Variants in GSE1 observed in about 807,000 individuals in gnomAD.
The protein encoded by GSE1 is genetic suppressor element 1.
GSE1 carries 32 observed loss-of-function variants against 112.6 expected under a neutral mutation model. That is an observed-to-expected ratio of 0.28 (90% confidence interval 0.21 to 0.38). GSE1 has a LOEUF of 0.38. GSE1 is among the 10% of genes least tolerant of loss of function. The pLI, the probability that GSE1 is intolerant of heterozygous loss-of-function variation, is 1.00. For missense variants in GSE1, 2,348 were observed against 1,699.2 expected, an observed-to-expected ratio of 1.38 and a Z score of -6.71; for synonymous variants, 1,115 against 735.6, an observed-to-expected ratio of 1.52 and a Z score of -8.35.
chr16:85,220,173 G>A (rs982715731), intron 1 of GSE1, among the ~76,000 whole-genome samples: 2 of 152,244 alleles, frequency 1.3e-5, no homozygotes, highest in Non-Finnish European at 2.9e-5. Context: ...CTCTGGGCCA[G>A]AAGCAGCTCG....
chr16:85,646,671 C>T (rs1215249006), intron 2 of GSE1, among the ~76,000 whole-genome samples: 1 of 152,158 alleles, frequency 6.6e-6, no homozygotes. Flanking sequence ...AAGTCCACAA[C>T]CGTGTGAGCG....
At chr16:85,223,121 A>C (rs1042781391) in intron 1 of GSE1, among the ~76,000 whole-genome samples, 1 of 152,112 alleles carries the variant, frequency 6.6e-6, no homozygotes, top group African/African-American at 2.4e-5. Context: ...TTATCTCAGG[A>C]AGAGGCAGAA....
chr16:85,639,452 C>T (rs1243155904), intron 2 of GSE1, among the ~76,000 whole-genome samples: 1 of 152,178 alleles, frequency 6.6e-6, no homozygotes, highest in African/African-American at 2.4e-5. Context: ...TGTGTCCCAC[C>T]CCCTGCGCTG....
At position 85,656,623 on chromosome 16, in the gene GSE1, G is replaced by C; in HGVS notation, c.1270G>C (p.Glu424Gln). The change falls in exon 7 of 16, where the codon GAG (glutamate) becomes CAG (glutamine). Residue 424 changes from glutamate (E) to glutamine (Q), a missense_variant. Transcript: ENST00000253458. ...TGGGCTGCGTGGCCATGCCACTGAG[G>C]AGCGGGGCAAGCCCTCGGAGCAGCT... ...LHGLRGHATE[E>Q]RGKPSEQLTP... The C allele has an allele frequency of 6.5e-7, 1 of 1,542,686 alleles. No homozygotes were observed. The highest frequency in any genetic ancestry group is 8.7e-7 in the Non-Finnish European group (1 of 1,143,320).
At chr16:85,321,456 G>T (rs1173766854) in intron 1 of GSE1, among the ~76,000 whole-genome samples, 3 of 152,020 alleles carry the variant, frequency 2.0e-5, no homozygotes, top group Non-Finnish European at 4.4e-5. Flanking sequence ...ATGTACTGAG[G>T]CCCCTGTTTG....
At chr16:85,659,473 A>G (rs2052250674) in intron 8 of GSE1, 1 of 152,274 alleles carries the variant, frequency 6.6e-6, no homozygotes, top group Non-Finnish European at 1.5e-5. Flanking sequence ...GTAGTGTACT[A>G]TACCCACTAG....
intron 1 of GSE1, among the ~76,000 whole-genome samples, chr16:85,579,086 G>A (rs2046346179): frequency 6.6e-6 from 1 of 152,116 alleles, no homozygotes; most frequent in Non-Finnish European, 1.5e-5. Flanking sequence ...CTGCCCTTAG[G>A]CCTAAATAGT....
chr16:85,384,623 C>T (rs1457575828), intron 2 of GSE1, among the ~76,000 whole-genome samples: 1 of 152,182 alleles, frequency 6.6e-6, no homozygotes, highest in Non-Finnish European at 1.5e-5. Flanking sequence ...GGGACCTGTG[C>T]AGGCGGTGGC....
chr16:85,481,491 T>C (rs78937248), intron 2 of GSE1, among the ~76,000 whole-genome samples: 6,585 of 152,232 alleles, frequency 0.043, 175 homozygotes, highest in East Asian at 0.1. Context: ...TGCCAAGGAA[T>C]TGAAGTTAGT....
At chr16:85,246,243 A>ACC in intron 1 of GSE1, among the ~76,000 whole-genome samples, 1 of 105,886 alleles carries the variant, frequency 9.4e-6, no homozygotes, top group African/African-American at 3.6e-5. Context: ...ACACACGCAC[A>ACC]CCACACGCTG....
intron 2 of GSE1, among the ~76,000 whole-genome samples, chr16:85,394,125 C>T (rs1238334520): frequency 2.0e-5 from 3 of 150,086 alleles, no homozygotes; most frequent in South Asian, 2.2e-4. Context: ...TTCGGGCTGT[C>T]GGGGACCGGG....
chr16:85,264,169 T>A (rs1295016446), intron 1 of GSE1, among the ~76,000 whole-genome samples: 1 of 152,098 alleles, frequency 6.6e-6, no homozygotes, highest in African/African-American at 2.4e-5. Context: ...GGGGGGCAGC[T>A]GGAGCTTGGA....
chr16:85,547,578 C>T (rs967330181), intron 2 of GSE1, among the ~76,000 whole-genome samples: 1 of 152,052 alleles, frequency 6.6e-6, no homozygotes, highest in African/African-American at 2.4e-5. Flanking sequence ...ATAATTAGTA[C>T]AGATCAAACC....
chr16:85,501,619 C>A (rs996862843), intron 2 of GSE1, among the ~76,000 whole-genome samples: 1 of 151,984 alleles, frequency 6.6e-6, no homozygotes, highest in Non-Finnish European at 1.5e-5. Flanking sequence ...GGTCTCGAAC[C>A]CCTGGCCTCG....
At chr16:85,633,373 C>T (rs1360593589) in intron 1 of GSE1, among the ~76,000 whole-genome samples, 1 of 152,180 alleles carries the variant, frequency 6.6e-6, no homozygotes, top group African/African-American at 2.4e-5. Context: ...GTTTCCTTTT[C>T]TGTAACGTGG....
chr16:85,539,097 A>C (rs911518725), intron 2 of GSE1, among the ~76,000 whole-genome samples: 1 of 152,254 alleles, frequency 6.6e-6, no homozygotes, highest in African/African-American at 2.4e-5. Context: ...CCACTCCTGT[A>C]AGTGTCTTAA....
chr16:85,240,458 G>A (rs966325729), intron 1 of GSE1, among the ~76,000 whole-genome samples: 2 of 152,224 alleles, frequency 1.3e-5, no homozygotes, highest in South Asian at 4.1e-4. Flanking sequence ...CCTCATCAAC[G>A]TCTCTCCTGG....
chr16:85,524,276 T>A (rs2052290610), intron 2 of GSE1, among the ~76,000 whole-genome samples: 2 of 151,936 alleles, frequency 1.3e-5, no homozygotes, highest in African/African-American at 4.8e-5. Context: ...AGCTCTGGAC[T>A]TGAGACCCCC....
intron 1 of GSE1, among the ~76,000 whole-genome samples, chr16:85,230,227 C>T (rs943363587): frequency 1.2e-4 from 19 of 152,176 alleles, no homozygotes; most frequent in African/African-American, 4.3e-4. Context: ...GTGCCTGTGC[C>T]GTCTGGTTTG....
Sources: allele counts gnomAD v4.1 joint callset (sites outside exome capture counted in the v4.1 genomes callset), GRCh38; gene constraint gnomAD v4.1.1; transcripts MANE v1.5; gene names NCBI Gene and HGNC (gene_info 2026-07-23, HGNC 2026-07-21).